Variants in PDE7A observed in about 807,000 individuals in gnomAD.
PDE7A encodes phosphodiesterase 7A.
In PDE7A, 39 loss-of-function variants were observed where a neutral mutation model predicts 64.3. That is an observed-to-expected ratio of 0.61 (90% CI 0.47 to 0.79). PDE7A has a LOEUF of 0.79. Ranked by LOEUF, PDE7A falls within the 30% of genes least tolerant of loss-of-function variation. PDE7A has a pLI of 0.00. For missense variants in PDE7A, 470 were observed against 582.8 expected (o/e 0.81, Z 1.99); for synonymous variants, 203 against 206.8 (o/e 0.98, Z 0.16).
intron 1 of PDE7A, among the ~76,000 whole-genome samples, chr8:65,795,122 T>C (rs1284977704): frequency 6.6e-6 from 1 of 152,208 alleles, no homozygotes; most frequent in Admixed American, 6.5e-5. Context: ...TCTCCCATTA[T>C]ATAAACAACT....
intron 3 of PDE7A, among the ~76,000 whole-genome samples, chr8:65,748,269 A>G (rs779208867): frequency 4.6e-5 from 7 of 152,200 alleles, no homozygotes; most frequent in African/African-American, 1.2e-4. Flanking sequence ...TTCATATCCC[A>G]ATGAGGTATC....
Position 65,737,022 on chromosome 8 carries a change from G to A in PDE7A, c.596-2128C>T, listed in dbSNP as rs1379175474. 2.7e-5 allele frequency among the ~76,000 whole-genome samples: 4 copies of A among 150,594 alleles called. No homozygotes were observed. The East Asian group carries it at 8.3e-4, about 31-fold the overall frequency. ...CTCAGCCTGGATGAGGTGGGAGGCT[G>A]GCTGGAGCTTGGGAAGTTGAGGTTG... On this transcript the variant is annotated intron_variant, in intron 6 of 12. Transcript: ENST00000401827.
rs1216278327 is a variant in PDE7A at position 65,809,743 on chromosome 8, G to C, written c.139-26900C>G. 2.6e-5 allele frequency among the ~76,000 whole-genome samples: 4 copies of C among 152,112 alleles called. No individual in the cohort carries two copies. The East Asian group carries it at 7.7e-4, about 29-fold the overall frequency. ...ACATTTATGCAGCCAACAGACACATGAAAAAATGCTCATCATCACTGGTCA... is the reference window on the plus strand; with the variant it reads ...ACATTTATGCAGCCAACAGACACATCAAAAAATGCTCATCATCACTGGTCA... On this transcript the variant is annotated intron_variant, in intron 1 of 12. Coordinates refer to ENST00000401827, the MANE Select transcript of PDE7A (RefSeq NM_001242318.3).
At chr8:65,724,407 C>A in intron 10 of PDE7A, 56 bp from the exon 11 acceptor site, 1 of 1,139,310 alleles carries the variant, frequency 8.8e-7, no homozygotes, top group Non-Finnish European at 1.3e-6. Context: ...GACAATAATA[C>A]CAAAGAACCA....
chr8:65,788,815 A>G, intron 1 of PDE7A: 1 of 1,114,756 alleles, frequency 9.0e-7, no homozygotes, highest in Non-Finnish European at 1.4e-6. Flanking sequence ...AAATCGAGCT[A>G]TTTAATTCCT....
chr8:65,744,583 T>C (rs1383954804), intron 5 of PDE7A, among the ~76,000 whole-genome samples: 2 of 152,192 alleles, frequency 1.3e-5, no homozygotes, highest in East Asian at 3.8e-4. Flanking sequence ...TAGATTCTGA[T>C]AAGCGCTCTT....
At chr8:65,738,223 CTTCA>C (rs1206652555) in intron 6 of PDE7A, among the ~76,000 whole-genome samples, 5 of 152,030 alleles carry the variant, frequency 3.3e-5, no homozygotes, top group Non-Finnish European at 5.9e-5. Flanking sequence ...TTATGTGAAC[CTTCA>C]TTAAGTTGTA....
Position 65,727,214 on chromosome 8 carries a change from GTTGA to G in PDE7A, c.780_783del (p.Gln261LeufsTer32), listed in dbSNP as rs1333418837. On this transcript the variant is annotated frameshift_variant, in exon 8 of 13. Transcript: ENST00000401827. LOFTEE classifies it high-confidence loss of function. ...TAATGGTTAGTTTTAATAAGGAAAGGTTGATTAACACCTGGATGATCCAGATCAT... is the reference window on the plus strand; with the variant it reads ...TAATGGTTAGTTTTAATAAGGAAAGGTTAACACCTGGATGATCCAGATCAT... 6.2e-7 allele frequency: 1 copy of G among 1,613,168 alleles called. No homozygotes were observed. The highest frequency in any genetic ancestry group is 8.5e-7 in the Non-Finnish European group (1 of 1,179,324).
At chr8:65,754,676 C>A in intron 3 of PDE7A, among the ~76,000 whole-genome samples, 1 of 148,998 alleles carries the variant, frequency 6.7e-6, no homozygotes, top group African/African-American at 2.4e-5. Context: ...TTCTTTAATT[C>A]TTCCATTAGG....
chr8:65,832,761 A>C (rs553201298), intron 1 of PDE7A, among the ~76,000 whole-genome samples: 98 of 152,304 alleles, frequency 6.4e-4, no homozygotes, highest in African/African-American at 2.3e-3. Flanking sequence ...TGTTGGGATT[A>C]CAGGCATGAA....
chr8:65,796,849 A>G (rs1809856667), intron 1 of PDE7A, among the ~76,000 whole-genome samples: 1 of 152,190 alleles, frequency 6.6e-6, no homozygotes, highest in South Asian at 2.1e-4. Flanking sequence ...AAGGCCACAA[A>G]AAGAAAAAGC....
rs767623020 is a variant in PDE7A, at chr8:65,724,795, G to C, written c.1047C>G (p.His349Gln). The C allele has an allele frequency of 1.2e-6, 2 of 1,607,510 alleles. No individual in the cohort carries two copies. The highest frequency in any genetic ancestry group is 2.7e-5 in the African/African-American group (2 of 74,748). Residue 349 changes from histidine (H) to glutamine (Q), a missense_variant, in exon 10 of 13, where the codon CAC (histidine) becomes CAG (glutamine). Physicochemically the swap from His to Gln is conservative, Grantham distance 24. Coordinates refer to ENST00000401827, the MANE Select transcript of PDE7A (RefSeq NM_001242318.3). ...RGDLCLEDTR[H>Q]RHLVLQMALK... is the part of the protein sequence containing the mutation. ...ATTTTACCTGTAAAACCAAATGTCT[G>C]TGTCTGGTGTCTTCTAGGCATAAAT... is the stretch of plus-strand genomic sequence containing the variant.
At chr8:65,751,826 CAT>C (rs1005370572) in intron 3 of PDE7A, among the ~76,000 whole-genome samples, 1 of 152,174 alleles carries the variant, frequency 6.6e-6, no homozygotes, top group African/African-American at 2.4e-5. Context: ...TATATAGAAA[CAT>C]ATTATTTTTC....
At chr8:65,725,879 T>A (rs1210881541) in intron 9 of PDE7A, among the ~76,000 whole-genome samples, 1 of 152,164 alleles carries the variant, frequency 6.6e-6, no homozygotes, top group East Asian at 1.9e-4. Context: ...AACCCATAAT[T>A]TACATATACA....
At chr8:65,810,213 T>C (rs924967219) in intron 1 of PDE7A, among the ~76,000 whole-genome samples, 4 of 152,130 alleles carry the variant, frequency 2.6e-5, no homozygotes, top group African/African-American at 9.7e-5. Context: ...TGGATGAAGC[T>C]GGAAACCATC....
intron 5 of PDE7A, among the ~76,000 whole-genome samples, chr8:65,739,902 T>C (rs765181161): frequency 5.3e-5 from 8 of 152,158 alleles, no homozygotes; most frequent in Non-Finnish European, 7.4e-5. Flanking sequence ...TAGAAAACTT[T>C]AAAAATTGTC....
At chr8:65,792,564 T>C (rs914235607) in intron 1 of PDE7A, among the ~76,000 whole-genome samples, 3 of 152,216 alleles carry the variant, frequency 2.0e-5, no homozygotes, top group African/African-American at 7.2e-5. Flanking sequence ...TCAGTGTCTA[T>C]AATTTTGGAA....
intron 3 of PDE7A, among the ~76,000 whole-genome samples, chr8:65,751,563 G>A (rs1198050110): frequency 6.6e-6 from 1 of 152,002 alleles, no homozygotes; most frequent in East Asian, 1.9e-4. Context: ...TGCGATATCG[G>A]CTCACCGCAA....
chr8:65,823,900 C>CA (rs562518793), intron 1 of PDE7A, among the ~76,000 whole-genome samples: 1 of 151,618 alleles, frequency 6.6e-6, no homozygotes, highest in South Asian at 2.1e-4. Context: ...AAAAATAAGG[C>CA]AAAAAAAGGG....
Sources: allele counts gnomAD v4.1 joint callset (sites outside exome capture counted in the v4.1 genomes callset), GRCh38; gene constraint gnomAD v4.1.1; transcripts MANE v1.5; gene names NCBI Gene and HGNC (gene_info 2026-07-23, HGNC 2026-07-21).